OR51B5: variants seen among roughly 807,000 people sequenced by gnomAD.
The protein encoded by OR51B5 is olfactory receptor family 51 subfamily B member 5, also known as olfactory receptor 51B5.
For synonymous variants in OR51B5, 186 were observed against 144.8 expected (o/e 1.28, Z -2.04); for missense variants, 456 against 374.6 (o/e 1.22, Z -1.79).
intron 1 of OR51B5, chr11:5,422,691 T>C (rs1795194062): frequency 6.2e-7 from 1 of 1,614,096 alleles, no homozygotes; most frequent in South Asian, 1.1e-5. Context: ...TCCCTTTTCT[T>C]ACTCAAGCGA....
intron 1 of OR51B5, among the ~76,000 whole-genome samples, chr11:5,495,830 G>A (rs1420046715): frequency 6.6e-6 from 1 of 152,152 alleles, no homozygotes; most frequent in Non-Finnish European, 1.5e-5. Context: ...TATACCGCCT[G>A]CAAAAGACTC....
chr11:5,471,562 G>C (rs527601545), intron 1 of OR51B5, among the ~76,000 whole-genome samples: 1 of 151,662 alleles, frequency 6.6e-6, no homozygotes, highest in Non-Finnish European at 1.5e-5. Flanking sequence ...CTTGAACTCG[G>C]GAAGTGGAGG....
chr11:5,486,265 C>A (rs1446056653), intron 1 of OR51B5, among the ~76,000 whole-genome samples: 1 of 152,096 alleles, frequency 6.6e-6, no homozygotes, highest in East Asian at 1.9e-4. Flanking sequence ...TTTTCAAAGT[C>A]CTTATCATTA....
At chr11:5,380,898 G>C (rs781262502) in intron 1 of OR51B5, among the ~76,000 whole-genome samples, 1 of 152,024 alleles carries the variant, frequency 6.6e-6, no homozygotes, top group Non-Finnish European at 1.5e-5. Context: ...CCTTGGTGCT[G>C]GTCAGAATTT....
intron 1 of OR51B5, among the ~76,000 whole-genome samples, chr11:5,401,363 G>C (rs904961664): frequency 1.3e-5 from 2 of 152,188 alleles, no homozygotes; most frequent in African/African-American, 2.4e-5. Context: ...ACACATCCAC[G>C]AACGTAGGTT....
At chr11:5,428,605 GACT>G (rs1206404904) in intron 1 of OR51B5, among the ~76,000 whole-genome samples, 1 of 152,262 alleles carries the variant, frequency 6.6e-6, no homozygotes, top group East Asian at 1.9e-4. Context: ...AAAATTGGAT[GACT>G]ACTGTTGTAA....
chr11:5,367,719 A>T (rs11037045), intron 1 of OR51B5, among the ~76,000 whole-genome samples: 19,630 of 152,188 alleles, frequency 0.13, 1,500 homozygotes, highest in East Asian at 0.24. Flanking sequence ...TCTCAGCCTT[A>T]TTGTACCCAG....
chr11:5,400,450 CTCT>C (rs1411262274), intron 1 of OR51B5, among the ~76,000 whole-genome samples: 1 of 152,046 alleles, frequency 6.6e-6, no homozygotes, highest in African/African-American at 2.4e-5. Flanking sequence ...ATAATTTCCC[CTCT>C]TTTTTTTTTC....
intron 1 of OR51B5, among the ~76,000 whole-genome samples, chr11:5,429,047 C>T (rs1027958743): frequency 6.6e-6 from 1 of 151,996 alleles, no homozygotes; most frequent in Non-Finnish European, 1.5e-5. Flanking sequence ...TCAGACTGAC[C>T]CCATCCAGAC....
At chr11:5,426,532 G>A (rs80189135) in intron 1 of OR51B5, among the ~76,000 whole-genome samples, 4 of 152,040 alleles carry the variant, frequency 2.6e-5, no homozygotes, top group African/African-American at 7.2e-5. Context: ...GGTGAAATCT[G>A]TTAGACTAAA....
intron 1 of OR51B5, among the ~76,000 whole-genome samples, chr11:5,467,842 G>C (rs1836104): frequency 0.017 from 2,647 of 152,266 alleles, 90 homozygotes; most frequent in African/African-American, 0.06. Flanking sequence ...CTTCGATTTG[G>C]AGTGTTGATT....
At chr11:5,474,789 C>T (rs1356147293) in intron 1 of OR51B5, among the ~76,000 whole-genome samples, 1 of 152,154 alleles carries the variant, frequency 6.6e-6, no homozygotes, top group Non-Finnish European at 1.5e-5. Context: ...TCAGGTATGA[C>T]AGTGAACAGG....
At chr11:5,402,170 C>A (rs781417023) in intron 1 of OR51B5, among the ~76,000 whole-genome samples, 66 of 152,044 alleles carry the variant, frequency 4.3e-4, no homozygotes, top group Non-Finnish European at 6.3e-4. Context: ...CTCCAACAAG[C>A]CTGGCTAATT....
upstream of OR51B5, chr11:5,345,793 A>C (rs149887628): frequency 6.6e-6 from 1 of 152,086 alleles, no homozygotes; most frequent in East Asian, 1.9e-4. Context: ...TAGAGATGAG[A>C]TCTAACTGTA....
chr11:5,420,784 A>T (rs185280712), intron 1 of OR51B5, among the ~76,000 whole-genome samples: 1 of 152,328 alleles, frequency 6.6e-6, no homozygotes, highest in East Asian at 1.9e-4. Flanking sequence ...GAACCACCAA[A>T]TAGCTAACTA....
intron 1 of OR51B5, among the ~76,000 whole-genome samples, chr11:5,357,326 C>T (rs1229672692): frequency 1.3e-4 from 20 of 151,234 alleles, no homozygotes; most frequent in African/African-American, 4.9e-4. Context: ...GGTTGCAATC[C>T]TCATCTCTGA....
chr11:5,498,715 T>C (rs985440620), intron 1 of OR51B5, among the ~76,000 whole-genome samples: 12 of 152,274 alleles, frequency 7.9e-5, no homozygotes, highest in Admixed American at 4.6e-4. Context: ...AGATACACCA[T>C]GCATGCTGGG....
At chr11:5,474,710 A>T (rs985610229) in intron 1 of OR51B5, among the ~76,000 whole-genome samples, 5 of 152,218 alleles carry the variant, frequency 3.3e-5, no homozygotes, top group Admixed American at 2.6e-4. Flanking sequence ...ATAACATCAC[A>T]CATACATTTC....
intron 1 of OR51B5, among the ~76,000 whole-genome samples, chr11:5,377,758 T>C (rs6578620): frequency 0.26 from 39,337 of 149,998 alleles, 5,069 homozygotes; most frequent in African/African-American, 0.31. Context: ...TTACAAGGGA[T>C]GTGAAGGACC....
Sources: gnomAD v4.1 joint callset for allele counts (sites outside exome capture counted in the v4.1 genomes callset) on GRCh38, gnomAD v4.1.1 for gene constraint, MANE v1.5 for transcripts, NCBI Gene and HGNC (gene_info 2026-07-23, HGNC 2026-07-21) for gene names.